Variants in RBFOX1 observed in about 807,000 individuals in gnomAD.
The protein encoded by RBFOX1 is RNA binding fox-1 homolog 1.
RBFOX1 carries 8 observed loss-of-function variants against 57.7 expected under a neutral mutation model. The observed-to-expected ratio is 0.14, with a 90% confidence interval of 0.08 to 0.25. The LOEUF (loss-of-function observed/expected upper bound fraction) is 0.25, where lower values mean the gene tolerates loss of function less well. Ranked by LOEUF, RBFOX1 falls within the 10% of genes least tolerant of loss-of-function variation. The probability of loss-of-function intolerance (pLI) is 1.00; values close to 1 mark genes in which losing one functional copy is unlikely to be tolerated. For missense variants in RBFOX1, 611 were observed against 548.5 expected (o/e 1.11, Z -1.14); for synonymous variants, 326 against 222.4 (o/e 1.47, Z -4.15).
chr16:7,101,640 A>G (rs1432903821), intron 4 of RBFOX1, among the ~76,000 whole-genome samples: 1 of 152,148 alleles, frequency 6.6e-6, no homozygotes, highest in Admixed American at 6.5e-5. Flanking sequence ...GGTTATTCAA[A>G]GGTACTTTTT....
At chr16:6,660,954 C>G (rs561911711) in intron 3 of RBFOX1, among the ~76,000 whole-genome samples, 1 of 152,118 alleles carries the variant, frequency 6.6e-6, no homozygotes, top group South Asian at 2.1e-4. Context: ...TACAAATGCA[C>G]CTGCCTGCCA....
chr16:6,020,130 CT>C, intron 1 of RBFOX1, 138 bp downstream of exon 1: 1 of 1,044,658 alleles, frequency 9.6e-7, no homozygotes. Flanking sequence ...TGGACGGGAA[CT>C]TTTTCAGGGT....
chr16:6,303,198 T>C (rs1457655927), intron 1 of RBFOX1, among the ~76,000 whole-genome samples: 3 of 152,220 alleles, frequency 2.0e-5, no homozygotes, highest in Non-Finnish European at 4.4e-5. Context: ...TGATTATCTC[T>C]CTGAAGAAAA....
intron 3 of RBFOX1, among the ~76,000 whole-genome samples, chr16:6,819,979 C>A (rs1018676324): frequency 6.6e-6 from 1 of 152,086 alleles, no homozygotes; most frequent in African/African-American, 2.4e-5. Flanking sequence ...TGTGTCCCCA[C>A]CCAAATCACA....
At chr16:6,824,608 G>C (rs988114695) in intron 3 of RBFOX1, among the ~76,000 whole-genome samples, 7 of 152,032 alleles carry the variant, frequency 4.6e-5, no homozygotes, top group East Asian at 3.8e-4. Context: ...GTGCTGTTTT[G>C]TCAACAGATT....
intron 3 of RBFOX1, among the ~76,000 whole-genome samples, chr16:5,825,171 G>A (rs990430524): frequency 2.0e-5 from 3 of 152,186 alleles, no homozygotes; most frequent in Non-Finnish European, 2.9e-5. Context: ...GTCCCAGCTC[G>A]GCTATGCACA....
At chr16:5,545,783 G>T (rs1456090554) in intron 2 of RBFOX1, among the ~76,000 whole-genome samples, 1 of 152,128 alleles carries the variant, frequency 6.6e-6, no homozygotes, top group Non-Finnish European at 1.5e-5. Context: ...TCGGGAACAA[G>T]AATGTCTGCT....
At chr16:5,378,789 T>C (rs1267283687) in intron 1 of RBFOX1, among the ~76,000 whole-genome samples, 1 of 151,552 alleles carries the variant, frequency 6.6e-6, no homozygotes, top group Non-Finnish European at 1.5e-5. Flanking sequence ...ATCTCATCCT[T>C]GTAAAGTGAT....
intron 3 of RBFOX1, among the ~76,000 whole-genome samples, chr16:6,731,405 C>T (rs1444223811): frequency 1.3e-5 from 2 of 152,134 alleles, no homozygotes; most frequent in Admixed American, 6.5e-5. Context: ...CCTCACATCT[C>T]ATCTTTTGTA....
chr16:5,246,845 A>AT (rs2062313818), intron 1 of RBFOX1, among the ~76,000 whole-genome samples: 1 of 151,816 alleles, frequency 6.6e-6, no homozygotes, highest in Non-Finnish European at 1.5e-5. Context: ...TAAGTTTTGT[A>AT]TTTTTTGTAG....
intron 1 of RBFOX1, among the ~76,000 whole-genome samples, chr16:6,080,773 C>G (rs962022375): frequency 6.6e-6 from 1 of 152,090 alleles, no homozygotes; most frequent in Admixed American, 6.5e-5. Flanking sequence ...GTTGAGGGTT[C>G]GAAACAGACT....
At chr16:7,376,622 G>A (rs2097690504) in intron 4 of RBFOX1, among the ~76,000 whole-genome samples, 1 of 152,152 alleles carries the variant, frequency 6.6e-6, no homozygotes, top group Non-Finnish European at 1.5e-5. Flanking sequence ...AATTACAACT[G>A]TAATTATCTT....
chr16:6,679,381 A>G (rs1401989325), intron 3 of RBFOX1, among the ~76,000 whole-genome samples: 3 of 152,132 alleles, frequency 2.0e-5, no homozygotes, highest in South Asian at 4.1e-4. Context: ...GTCTTGCTAT[A>G]TTGGTGATGG....
chr16:7,320,370 C>A (rs2143010617), intron 4 of RBFOX1, among the ~76,000 whole-genome samples: 1 of 152,242 alleles, frequency 6.6e-6, no homozygotes, highest in Admixed American at 6.5e-5. Context: ...AGGTTAATGG[C>A]TTCCAGCTCC....
At chr16:7,230,229 G>T (rs1165685269) in intron 4 of RBFOX1, among the ~76,000 whole-genome samples, 2 of 151,870 alleles carry the variant, frequency 1.3e-5, no homozygotes, top group Non-Finnish European at 2.9e-5. Context: ...GAAGACATTT[G>T]GGAAATGATG....
intron 2 of RBFOX1, among the ~76,000 whole-genome samples, chr16:6,415,242 CAAAAAAA>C (rs57296761): frequency 0.11 from 10,904 of 102,266 alleles, 376 homozygotes; most frequent in East Asian, 0.2. Flanking sequence ...AACTCTGTCA[CAAAAAAA>C]AAAAAAAAAA....
chr16:7,634,051 C>A (rs769842453), intron 11 of RBFOX1, among the ~76,000 whole-genome samples: 1 of 152,156 alleles, frequency 6.6e-6, no homozygotes, highest in African/African-American at 2.4e-5. Context: ...TTTTCTTCTC[C>A]CAACAGTTTC....
At chr16:7,470,820 C>G (rs150431483) in intron 4 of RBFOX1, among the ~76,000 whole-genome samples, 153 of 151,716 alleles carry the variant, frequency 1.0e-3, no homozygotes, top group African/African-American at 3.7e-3. Context: ...AACAAGAGTT[C>G]AGGGCAAAGA....
Position 7,651,046 on chromosome 16 carries a change from C to T in RBFOX1, c.758-2769C>T, listed in dbSNP as rs1207226942. Among the ~76,000 whole-genome samples, 6 of 151,866 alleles carry T rather than the reference C, an allele frequency of 4.0e-5. 1 individual carries two copies. The highest frequency in any genetic ancestry group is 7.4e-5 in the Non-Finnish European group (5 of 67,988). Reference sequence around the variant, plus strand: ...TGGCAAAAAAAGTTAAATAAAATGGCATGATCTATCTTTAGCAAGAATAAA... The same window carrying T: ...TGGCAAAAAAAGTTAAATAAAATGGTATGATCTATCTTTAGCAAGAATAAA... On this transcript the variant is annotated intron_variant, in intron 11 of 15. Transcript: ENST00000550418.
Sources: allele counts gnomAD v4.1 joint callset (sites outside exome capture counted in the v4.1 genomes callset), GRCh38; gene constraint gnomAD v4.1.1; transcripts MANE v1.5; gene names NCBI Gene and HGNC (gene_info 2026-07-23, HGNC 2026-07-21).